The following KDM4C variants were observed in gnomAD, a reference collection of about 807,000 sequenced individuals.
The protein encoded by KDM4C is lysine-specific demethylase 4C.
A neutral mutation model predicts 129.3 loss-of-function variants in KDM4C; 81 were observed. That is an observed-to-expected ratio of 0.63 (90% CI 0.52 to 0.75). The LOEUF is 0.75. Ranked by LOEUF, KDM4C falls within the 30% of genes least tolerant of loss-of-function variation. KDM4C has a pLI of 0.00. For synonymous variants in KDM4C, 573 were observed against 456.1 expected, an observed-to-expected ratio of 1.26 and a Z score of -3.26; for missense variants, 1,457 against 1,304.0, an observed-to-expected ratio of 1.12 and a Z score of -1.81.
At chr9:7,092,493 C>G (rs1334566198) in intron 17 of KDM4C, among the ~76,000 whole-genome samples, 1 of 152,306 alleles carries the variant, frequency 6.6e-6, no homozygotes, top group African/African-American at 2.4e-5. Flanking sequence ...GGATAGGATT[C>G]CAGAGAAATA....
rs1439359833 is a variant in KDM4C at position 7,042,818 on chromosome 9, C to G, written c.2260-4044C>G. ...GGATTAGGCAGACATAAGTTTGAAT[C>G]TCAATTGTTCTCCTTGCTGATTGGA... On this transcript the variant is annotated intron_variant, in intron 15 of 21. Transcript: ENST00000381309. 4.6e-5 allele frequency among the ~76,000 whole-genome samples: 7 copies of G among 152,016 alleles called. No homozygotes were observed. In the East Asian group the frequency reaches 1.4e-3, roughly 29 times the overall value.
chr9:7,103,347 A>G (rs937269048), intron 17 of KDM4C, among the ~76,000 whole-genome samples: 1 of 152,200 alleles, frequency 6.6e-6, no homozygotes, highest in East Asian at 1.9e-4. Context: ...AGTAGCTTCA[A>G]CATTCATGGA....
At chr9:6,934,697 C>T (rs1328451794) in intron 8 of KDM4C, among the ~76,000 whole-genome samples, 2 of 151,586 alleles carry the variant, frequency 1.3e-5, no homozygotes, top group African/African-American at 4.8e-5. Context: ...CTCTTGACCT[C>T]GTGATCCGCC....
chr9:6,735,358 C>A (rs77495338), intron 1 of KDM4C, among the ~76,000 whole-genome samples: 1 of 152,174 alleles, frequency 6.6e-6, no homozygotes, highest in African/African-American at 2.4e-5. Context: ...CTTGTTGTTT[C>A]TTTACCAATT....
intron 18 of KDM4C, among the ~76,000 whole-genome samples, chr9:7,117,301 GT>G (rs1564139538): frequency 1.3e-5 from 2 of 151,882 alleles, no homozygotes; most frequent in African/African-American, 4.8e-5. Context: ...TTTGCTTTGG[GT>G]TACCTTGTTC....
chr9:6,901,743 G>T (rs1420061812), intron 8 of KDM4C, among the ~76,000 whole-genome samples: 1 of 152,208 alleles, frequency 6.6e-6, no homozygotes, highest in Admixed American at 6.5e-5. Flanking sequence ...AAGATTCATT[G>T]ACAGAATCTG....
intron 19 of KDM4C, among the ~76,000 whole-genome samples, chr9:7,136,949 A>G (rs1841274167): frequency 6.6e-6 from 1 of 152,226 alleles, no homozygotes. Context: ...AGCTCCAGGG[A>G]AAACTCAAGC....
chr9:6,904,644 A>C (rs754667587), intron 8 of KDM4C, among the ~76,000 whole-genome samples: 4 of 152,220 alleles, frequency 2.6e-5, no homozygotes, highest in Non-Finnish European at 4.4e-5. Flanking sequence ...CACTACAGTT[A>C]ATACTGGAAG....
intron 12 of KDM4C, among the ~76,000 whole-genome samples, chr9:7,007,579 G>A (rs1459235385): frequency 2.6e-5 from 4 of 152,150 alleles, no homozygotes; most frequent in Non-Finnish European, 4.4e-5. Context: ...TACATCAGGT[G>A]TTTTTAAGAC....
At chr9:6,964,165 A>G (rs1230673046) in intron 8 of KDM4C, among the ~76,000 whole-genome samples, 3 of 152,118 alleles carry the variant, frequency 2.0e-5, no homozygotes, top group East Asian at 1.9e-4. Context: ...ATGTATACAT[A>G]TGCCACGTTG....
intron 1 of KDM4C, among the ~76,000 whole-genome samples, chr9:6,780,768 CAA>C (rs34457968): frequency 2.8e-4 from 9 of 32,154 alleles, no homozygotes; most frequent in Admixed American, 1.1e-3. Flanking sequence ...AACTCCCTCT[CAA>C]AAAAAAAAAA....
At chr9:6,859,473 CAAAA>C (rs58056883) in intron 5 of KDM4C, among the ~76,000 whole-genome samples, 2 of 47,840 alleles carry the variant, frequency 4.2e-5, no homozygotes, top group African/African-American at 1.6e-4. Context: ...GACTCTGTCT[CAAAA>C]AAAAAAAAAA....
chr9:6,810,191 A>G (rs1231682496), intron 3 of KDM4C, among the ~76,000 whole-genome samples: 1 of 152,140 alleles, frequency 6.6e-6, no homozygotes, highest in Non-Finnish European at 1.5e-5. Flanking sequence ...CTACTTCAAG[A>G]TAATTTTACT....
chr9:6,893,533 T>C (rs1036512998), intron 8 of KDM4C: 4 of 199,210 alleles, frequency 2.0e-5, no homozygotes, highest in African/African-American at 9.3e-5. Context: ...GATTTTCCAG[T>C]GGCATCATGT....
At position 6,741,393 on chromosome 9, in the gene KDM4C, T is replaced by TC. The variant is rs533458164; in HGVS notation, c.49+20397dup. 1.2e-4 allele frequency among the ~76,000 whole-genome samples: 18 copies of TC among 152,046 alleles called. 1 individual carries two copies. Among genetic ancestry groups the TC allele is most frequent in the African/African-American group, 4.1e-4 (17 of 41,460 alleles). ...CTGGGCAACAGAGCGAGACTCTATC[T>TC]CAAAAAACAAAAAACAAAAACAAAA... is the stretch of plus-strand genomic sequence containing the variant. On this transcript the variant is annotated intron_variant, in intron 1 of 17. Transcript: ENST00000536108.
intron 12 of KDM4C, among the ~76,000 whole-genome samples, chr9:6,999,994 A>T (rs1164444231): frequency 6.6e-6 from 1 of 152,234 alleles, no homozygotes; most frequent in African/African-American, 2.4e-5. Flanking sequence ...TAAAACAGCA[A>T]ATTCAGCAGA....
At chr9:7,145,494 G>A (rs957103485) in intron 19 of KDM4C, among the ~76,000 whole-genome samples, 3 of 152,138 alleles carry the variant, frequency 2.0e-5, no homozygotes, top group Non-Finnish European at 4.4e-5. Context: ...ACTCTGCTGT[G>A]CTCTATTTTT....
chr9:7,092,091 A>C (rs1366713559), intron 17 of KDM4C, among the ~76,000 whole-genome samples: 1 of 152,292 alleles, frequency 6.6e-6, no homozygotes, highest in South Asian at 2.1e-4. Flanking sequence ...AAAAGAACTG[A>C]TGTATTATTA....
chr9:7,103,616 C>A (rs1837349396), intron 17 of KDM4C, 69 bp from the exon 18 acceptor site: 44 of 747,608 alleles, frequency 5.9e-5, no homozygotes, highest in East Asian at 7.3e-5. Flanking sequence ...AGCTATTGTT[C>A]TGTAAATTGT....
Sources: allele counts gnomAD v4.1 joint callset (sites outside exome capture counted in the v4.1 genomes callset), GRCh38; gene constraint gnomAD v4.1.1; transcripts MANE v1.5; gene names NCBI Gene and HGNC (gene_info 2026-07-23, HGNC 2026-07-21).